The following CEP20 variants were observed in gnomAD, a reference collection of about 807,000 sequenced individuals.
The protein encoded by CEP20 is centrosomal protein 20, also known as FGFR1OP N-terminal like.
A neutral mutation model predicts 20.0 loss-of-function variants in CEP20; 18 were observed. The ratio of observed to expected loss-of-function variants is 0.90; its 90% CI spans 0.62 to 1.34. The LOEUF is 1.34. Ranked by LOEUF, CEP20 falls within the 40% of genes most tolerant of loss-of-function variation. CEP20 has a pLI of 0.00. For missense variants in CEP20, 215 were observed against 201.6 expected (o/e 1.07, Z -0.40); for synonymous variants, 77 against 73.7 (o/e 1.04, Z -0.23).
chr16:15,868,135 T>C (rs1482385285), intron 4 of CEP20, among the ~76,000 whole-genome samples: 1 of 151,918 alleles, frequency 6.6e-6, no homozygotes, highest in African/African-American at 2.4e-5. Context: ...AGGAATGAAA[T>C]TTGCAAGAAA....
Position 15,884,181 on chromosome 16 carries a change from T to C in CEP20, c.53A>G (p.Lys18Arg), listed in dbSNP as rs2045183816. The change falls in exon 2 of 5, where the codon AAG (lysine) becomes AGG (arginine). Residue 18 changes from lysine (K) to arginine (R), a missense_variant. Transcript: ENST00000255759. ...TGCTTTTAAATGCCCTAATACCCCCTTTTTTTCCAAGGTGTCCTTTAAAAC... is the reference window on the plus strand; with the variant it reads ...TGCTTTTAAATGCCCTAATACCCCCCTTTTTTCCAAGGTGTCCTTTAAAAC... Reference protein sequence around the residue: ...KAVLKDTLEKKGVLGHLKARI... With the variant: ...KAVLKDTLEKRGVLGHLKARI... The C allele has an allele frequency of 6.2e-7, 1 of 1,608,076 alleles. No individual in the cohort carries two copies. The highest frequency in any genetic ancestry group is 1.1e-5 in the South Asian group (1 of 90,496).
chr16:15,884,863 G>A (rs941766775), intron 1 of CEP20, among the ~76,000 whole-genome samples: 5 of 152,086 alleles, frequency 3.3e-5, no homozygotes, highest in Non-Finnish European at 7.4e-5. Flanking sequence ...TGCTTACTGA[G>A]ACCTGAACTT....
upstream of CEP20, chr16:15,888,603 GGCCGCACC>G (rs772924623): frequency 3.1e-6 from 5 of 1,613,790 alleles, no homozygotes; most frequent in Admixed American, 8.3e-5. Context: ...CGGCCGCCAG[GGCCGCACC>G]GCGGCCCTGC....
chr16:15,880,356 G>A lies in CEP20; in HGVS notation c.227-468C>T, dbSNP rs537684742. Among the ~76,000 whole-genome samples the A allele has an allele frequency of 5.3e-5, 8 of 152,228 alleles. 1 individual carries two copies. Among genetic ancestry groups the A allele is most frequent in the Admixed American group, 3.3e-4 (5 of 15,270 alleles). On this transcript the variant is annotated intron_variant, in intron 2 of 4. Transcript: ENST00000255759. ...GAGCAGTTTTCTTATAAAGGTGAGC[G>A]TGCACTTAACCACACAACCCAGCAA...
Position 15,873,640 on chromosome 16 carries a change from GAAAAC to G in CEP20, c.312-18_312-14del. Reference sequence around the variant, plus strand: ...ATATAAAAGAGGTCTATAGCAGGAAGAAAACAAAACAAAACCAAAAGCTAATAAAT... The same window carrying G: ...ATATAAAAGAGGTCTATAGCAGGAAGAAAACAAAACCAAAAGCTAATAAAT... On this transcript the variant is annotated splice_polypyrimidine_tract_variant and intron_variant, in intron 3 of 4. Transcript: ENST00000255759. 2 of 1,597,426 alleles carry G rather than the reference GAAAAC, an allele frequency of 1.3e-6. No individual in the cohort carries two copies. The highest frequency in any genetic ancestry group is 1.7e-6 in the Non-Finnish European group (2 of 1,171,736).
At chr16:15,876,154 A>G (rs958129297) in intron 3 of CEP20, among the ~76,000 whole-genome samples, 12 of 150,094 alleles carry the variant, frequency 8.0e-5, no homozygotes, top group Non-Finnish European at 1.8e-4. Flanking sequence ...AGTATTTGGT[A>G]GATGTACCAT....
At chr16:15,883,128 G>C (rs1012890994) in intron 2 of CEP20, 1 of 152,196 alleles carries the variant, frequency 6.6e-6, no homozygotes, top group Admixed American at 6.5e-5. Context: ...TGGGGAGTGT[G>C]AGATAGGTGG....
At chr16:15,887,230 C>T (rs1056445921) in intron 1 of CEP20, among the ~76,000 whole-genome samples, 1 of 152,062 alleles carries the variant, frequency 6.6e-6, no homozygotes, top group African/African-American at 2.4e-5. Flanking sequence ...AAAATGTATG[C>T]AATATTACAT....
rs574084648 is a variant in CEP20 at position 15,875,186 on chromosome 16, AAAGT to A, written c.312-1563_312-1560del. 2.8e-3 allele frequency among the ~76,000 whole-genome samples: 425 copies of A among 152,324 alleles called. 2 individuals carry two copies. Among genetic ancestry groups the A allele is most frequent in the African/African-American group, 9.8e-3 (409 of 41,570 alleles). ...TTTTCCATGCCACAGGGAAACCAGG[AAAGT>A]AAGTTTCTTTATTTAATAAGATGCC... is the stretch of plus-strand genomic sequence containing the variant. On this transcript the variant is annotated intron_variant, in intron 3 of 4. Coordinates refer to ENST00000255759, the MANE Select transcript of CEP20 (RefSeq NM_144600.4).
At chr16:15,873,070 A>G (rs564089419) in intron 4 of CEP20, among the ~76,000 whole-genome samples, 1 of 151,704 alleles carries the variant, frequency 6.6e-6, no homozygotes, top group East Asian at 1.9e-4. Context: ...TGGAGTTTTC[A>G]GTATTTTTTT....
At chr16:15,867,627 CT>C in intron 4 of CEP20, 111 bp from the exon 5 acceptor site, 1 of 668,324 alleles carries the variant, frequency 1.5e-6, no homozygotes. Context: ...TCTATGAGTA[CT>C]TTAGATGGTT....
At chr16:15,885,544 T>C (rs56193023) in intron 1 of CEP20, 33,245 of 151,830 alleles carry the variant, frequency 0.22, 3,914 homozygotes, top group African/African-American at 0.35. Flanking sequence ...AGGTGTGCGA[T>C]ACCACGACTG....
intron 2 of CEP20, among the ~76,000 whole-genome samples, chr16:15,882,108 T>C (rs895176952): frequency 7.2e-5 from 11 of 152,168 alleles, no homozygotes; most frequent in Non-Finnish European, 1.5e-4. Context: ...TGTGTGGCAC[T>C]AACCTTCCCC....
rs145630355 is a variant in CEP20, at chr16:15,888,579, T to G, written c.7A>C (p.Thr3Pro). The change falls in exon 1 of 5, where the codon ACT becomes CCT. Residue 3 changes from threonine to proline, a missense_variant. Transcript: ENST00000255759. ...TCACCAGCCTTCAACTCTGCCACAG[T>G]CGCCATTTTTCAACGGCCGCCAGGG... The part of the protein sequence containing the change: MA[T>P]VAELKAVLKD... 4.2e-5 allele frequency: 68 copies of G among 1,614,084 alleles called. No homozygotes were observed. The African/African-American group carries it at 8.4e-4, about 20-fold the overall frequency.
rs2044703842 is a variant in CEP20, at chr16:15,867,323, TTG to T, written c.*115_*116del. 1 of 655,708 alleles carries T rather than the reference TTG, an allele frequency of 1.5e-6. No homozygotes were observed. The allele number at this position is 655,708 out of a possible 1,614,324, so 40.6% of individuals were successfully genotyped here. ...AATGTAGTTAAACATGAGGGGTGTTTTGTAGAAACTCCAATTTCTACAAACAT... is the reference window on the plus strand; with the variant it reads ...AATGTAGTTAAACATGAGGGGTGTTTTAGAAACTCCAATTTCTACAAACAT... On this transcript the variant is annotated 3_prime_UTR_variant, in exon 5 of 5. Coordinates refer to ENST00000255759, the MANE Select transcript of CEP20 (RefSeq NM_144600.4).
chr16:15,888,076 TA>T (rs60631057), intron 1 of CEP20, among the ~76,000 whole-genome samples: 5,536 of 130,642 alleles, frequency 0.042, 304 homozygotes, highest in African/African-American at 0.13. Context: ...ACCCTCTCTT[TA>T]AAAAAAAAAA....
intron 4 of CEP20, among the ~76,000 whole-genome samples, chr16:15,871,026 G>A (rs1383619344): frequency 6.6e-6 from 1 of 152,144 alleles, no homozygotes; most frequent in Non-Finnish European, 1.5e-5. Flanking sequence ...ACTTTGGGAG[G>A]CCAAGGGGGG....
At chr16:15,885,614 A>G (rs2151433365) in intron 1 of CEP20, 1 of 152,274 alleles carries the variant, frequency 6.6e-6, no homozygotes, top group Non-Finnish European at 1.5e-5. Flanking sequence ...GATGGTCTCC[A>G]TCTCCTGACC....
At chr16:15,875,559 G>A (rs1394470238) in intron 3 of CEP20, among the ~76,000 whole-genome samples, 1 of 152,156 alleles carries the variant, frequency 6.6e-6, no homozygotes, top group Non-Finnish European at 1.5e-5. Flanking sequence ...GCTGAGGTGA[G>A]AGGATCGCTT....
Sources: gnomAD v4.1 joint callset for allele counts (sites outside exome capture counted in the v4.1 genomes callset) on GRCh38, gnomAD v4.1.1 for gene constraint, MANE v1.5 for transcripts, NCBI Gene and HGNC (gene_info 2026-07-23, HGNC 2026-07-21) for gene names.